ANXA8: variants seen among roughly 807,000 people sequenced by gnomAD.
ANXA8 encodes the protein annexin A8, also known as VAC-beta.
In ANXA8, 9 loss-of-function variants were observed where a neutral mutation model predicts 26.8. That is an observed-to-expected ratio of 0.34 (90% CI 0.20 to 0.59). The LOEUF (loss-of-function observed/expected upper bound fraction) is 0.59, where lower values mean the gene tolerates loss of function less well. Ranked by LOEUF, ANXA8 falls within the 20% of genes least tolerant of loss-of-function variation. The pLI, the probability that ANXA8 is intolerant of heterozygous loss-of-function variation, is 0.84. For synonymous variants in ANXA8, 39 were observed against 94.8 expected, an observed-to-expected ratio of 0.41 and a Z score of 3.42; for missense variants, 83 against 238.5, an observed-to-expected ratio of 0.35 and a Z score of 4.29.
chr10:47,692,933 C>T, the ANXA8 span, among the ~76,000 whole-genome samples: 3 of 151,286 alleles, frequency 2.0e-5, no homozygotes, highest in African/African-American at 7.3e-5. Flanking sequence ...CGGGGTTTCA[C>T]CATGTTGGCC....
chr10:47,676,772 G>T, the ANXA8 span, among the ~76,000 whole-genome samples: 1 of 149,682 alleles, frequency 6.7e-6, no homozygotes, highest in Non-Finnish European at 1.5e-5. Context: ...ACAAAAATTA[G>T]CCGGGTGTGG....
the ANXA8 span, among the ~76,000 whole-genome samples, chr10:47,631,294 C>T: frequency 6.6e-6 from 1 of 151,824 alleles, no homozygotes; most frequent in Non-Finnish European, 1.5e-5. Flanking sequence ...TTTTAATTCT[C>T]TCAAAATGAT....
the ANXA8 span, among the ~76,000 whole-genome samples, chr10:47,577,173 T>C: frequency 1.3e-4 from 19 of 147,182 alleles, no homozygotes; most frequent in East Asian, 4.0e-4. Flanking sequence ...TGCAGTGAGC[T>C]GAGATGGCGC....
chr10:47,682,476 T>C, the ANXA8 span, among the ~76,000 whole-genome samples: 6 of 145,552 alleles, frequency 4.1e-5, no homozygotes, highest in Middle Eastern at 3.6e-3. Flanking sequence ...TTTCTTTTTT[T>C]TTTTTTTTTT....
At chr10:47,655,732 T>C in the ANXA8 span, among the ~76,000 whole-genome samples, 1 of 151,978 alleles carries the variant, frequency 6.6e-6, no homozygotes, top group Non-Finnish European at 1.5e-5. Context: ...GTTAGAACTT[T>C]AGCTGCGGCC....
chr10:47,941,028 C>T, the ANXA8 span, among the ~76,000 whole-genome samples: 5 of 143,156 alleles, frequency 3.5e-5, no homozygotes, highest in South Asian at 6.9e-4. Flanking sequence ...GTCTTGGGCA[C>T]AGTACTTTAT....
At chr10:47,744,315 C>T in the ANXA8 span, among the ~76,000 whole-genome samples, 227 of 144,516 alleles carry the variant, frequency 1.6e-3, no homozygotes, top group Admixed American at 2.1e-3. Flanking sequence ...GATTTAAATT[C>T]TAGCTCCATC....
the ANXA8 span, among the ~76,000 whole-genome samples, chr10:47,707,185 C>A: frequency 1.4e-4 from 19 of 135,442 alleles, no homozygotes; most frequent in Middle Eastern, 3.8e-3. Context: ...CAAAAAAAAA[C>A]AAAAAAAAGA....
the ANXA8 span, among the ~76,000 whole-genome samples, chr10:47,639,314 A>ATTAT: frequency 4.0e-5 from 3 of 75,384 alleles, no homozygotes; most frequent in South Asian, 9.7e-4. Context: ...TATTATTATT[A>ATTAT]TTTTTTTTTT....
At chr10:47,929,976 T>A in the ANXA8 span, among the ~76,000 whole-genome samples, 1 of 152,126 alleles carries the variant, frequency 6.6e-6, no homozygotes, top group South Asian at 2.1e-4. Flanking sequence ...ACAGTCACAG[T>A]CTCCACCTGT....
the ANXA8 span, among the ~76,000 whole-genome samples, chr10:47,687,920 T>C: frequency 6.6e-6 from 1 of 151,728 alleles, no homozygotes; most frequent in Non-Finnish European, 1.5e-5. Flanking sequence ...GCCAACATGG[T>C]GACACCCCAT....
the ANXA8 span, among the ~76,000 whole-genome samples, chr10:47,958,128 A>T: frequency 1.3e-5 from 2 of 150,222 alleles, no homozygotes; most frequent in Admixed American, 6.6e-5. Context: ...AAGACAGAAC[A>T]CCATGACTGT....
the ANXA8 span, among the ~76,000 whole-genome samples, chr10:47,630,369 C>T: frequency 2.6e-4 from 39 of 149,632 alleles, no homozygotes; most frequent in Non-Finnish European, 4.6e-4. Flanking sequence ...ATTTGTATTA[C>T]ATTTTAGAGT....
chr10:47,958,546 T>C, the ANXA8 span, among the ~76,000 whole-genome samples: 1 of 147,770 alleles, frequency 6.8e-6, no homozygotes, highest in Non-Finnish European at 1.5e-5. Flanking sequence ...GGAAAAGGAC[T>C]CAGATCCCTC....
the ANXA8 span, among the ~76,000 whole-genome samples, chr10:47,694,571 C>T: frequency 6.6e-6 from 1 of 151,556 alleles, no homozygotes. Flanking sequence ...CAGGAGCCCG[C>T]CACCACGCCT....
chr10:47,561,843 GA>G, the ANXA8 span, among the ~76,000 whole-genome samples: 3 of 151,094 alleles, frequency 2.0e-5, no homozygotes, highest in Non-Finnish European at 2.9e-5. Context: ...ACGATATGAA[GA>G]AACAAGTAAG....
the ANXA8 span, among the ~76,000 whole-genome samples, chr10:47,899,368 A>G: frequency 1.3e-4 from 15 of 117,862 alleles, no homozygotes; most frequent in East Asian, 2.5e-3. Flanking sequence ...AATGTTTTAA[A>G]TAAAAGTTAT....
the ANXA8 span, among the ~76,000 whole-genome samples, chr10:47,931,375 TG>T: frequency 3.6e-5 from 5 of 138,252 alleles, no homozygotes; most frequent in African/African-American, 1.4e-4. Context: ...ATGAAGAATA[TG>T]GGGAAGGAGA....
chr10:47,700,669 A>C, the ANXA8 span, among the ~76,000 whole-genome samples: 2 of 151,804 alleles, frequency 1.3e-5, no homozygotes, highest in Non-Finnish European at 2.9e-5. Context: ...TAGAAAAATA[A>C]ATTTTGCATA....
Sources: gnomAD v4.1 joint callset for allele counts (sites outside exome capture counted in the v4.1 genomes callset) on GRCh38, gnomAD v4.1.1 for gene constraint, MANE v1.5 for transcripts, NCBI Gene and HGNC (gene_info 2026-07-23, HGNC 2026-07-21) for gene names.